FEZ1: variants seen among roughly 807,000 people sequenced by gnomAD.
FEZ1 encodes fasciculation and elongation protein zeta 1.
In FEZ1, 20 loss-of-function variants were observed where a neutral mutation model predicts 49.3. That is an observed-to-expected ratio of 0.41 (90% CI 0.29 to 0.59). FEZ1 has a LOEUF of 0.59. Among genes scored for constraint, FEZ1 ranks in the 20% least tolerant of loss-of-function variants. The probability of loss-of-function intolerance (pLI) is 0.36; values close to 1 mark genes in which losing one functional copy is unlikely to be tolerated. For synonymous variants in FEZ1, 170 were observed against 180.9 expected, an observed-to-expected ratio of 0.94 and a Z score of 0.48; for missense variants, 413 against 476.0, an observed-to-expected ratio of 0.87 and a Z score of 1.23.
chr11:125,471,514 CAA>C (rs756966058), intron 3 of FEZ1, among the ~76,000 whole-genome samples: 5 of 151,454 alleles, frequency 3.3e-5, no homozygotes, highest in African/African-American at 4.8e-5. Flanking sequence ...TCATATCAAA[CAA>C]AGTAGATTTT....
chr11:125,453,273 G>A (rs1956975771), intron 7 of FEZ1: 1 of 152,114 alleles, frequency 6.6e-6, no homozygotes. Context: ...TCACATTTTA[G>A]TCTTGGCTTT....
intron 4 of FEZ1, among the ~76,000 whole-genome samples, chr11:125,462,422 G>T (rs1160660623): frequency 6.6e-6 from 1 of 152,208 alleles, no homozygotes; most frequent in East Asian, 1.9e-4. Context: ...AAAATTTTGA[G>T]TGTTCTATGA....
At chr11:125,465,297 C>A (rs1419975399) in intron 3 of FEZ1, among the ~76,000 whole-genome samples, 1 of 152,086 alleles carries the variant, frequency 6.6e-6, no homozygotes, top group Non-Finnish European at 1.5e-5. Context: ...GGGTTTAACT[C>A]CCTGACTGTT....
At chr11:125,458,312 G>A (rs943241564) in intron 5 of FEZ1, among the ~76,000 whole-genome samples, 51 of 152,136 alleles carry the variant, frequency 3.4e-4, no homozygotes, top group African/African-American at 1.0e-3. Context: ...CTTCTGCAGC[G>A]TGGGCATTTG....
intron 4 of FEZ1, among the ~76,000 whole-genome samples, chr11:125,462,769 C>T (rs1957088407): frequency 1.3e-5 from 2 of 149,418 alleles, no homozygotes; most frequent in South Asian, 2.1e-4. Flanking sequence ...GAGGCCAAGG[C>T]GGGTGGACTG....
At chr11:125,488,419 G>A (rs910737822) in intron 2 of FEZ1, among the ~76,000 whole-genome samples, 21 of 152,262 alleles carry the variant, frequency 1.4e-4, no homozygotes, top group African/African-American at 4.1e-4. Context: ...GGTGACTCAC[G>A]CCTGTAATCC....
intron 5 of FEZ1, among the ~76,000 whole-genome samples, chr11:125,457,792 T>C (rs1206299516): frequency 1.3e-5 from 2 of 152,018 alleles, no homozygotes; most frequent in Non-Finnish European, 2.9e-5. Flanking sequence ...ATTATACTCT[T>C]TTAGTTATTT....
intron 2 of FEZ1, among the ~76,000 whole-genome samples, chr11:125,482,944 C>T (rs1477199491): frequency 7.4e-6 from 1 of 134,548 alleles, no homozygotes; most frequent in Non-Finnish European, 1.5e-5. Context: ...TGTCACTGCT[C>T]TCCAGCCTGG....
At chr11:125,457,242 T>G in intron 5 of FEZ1, among the ~76,000 whole-genome samples, 1 of 146,884 alleles carries the variant, frequency 6.8e-6, no homozygotes. Flanking sequence ...CTTTAAGCAT[T>G]TTCTGATTAA....
rs567784937 is a variant in FEZ1 at position 125,445,665 on chromosome 11, C to A, written c.*430G>T. On this transcript the variant is annotated 3_prime_UTR_variant, in exon 10 of 10. Coordinates refer to ENST00000278919, the MANE Select transcript of FEZ1 (RefSeq NM_005103.5). The surrounding 1 kb of genome is among the most constrained non-coding windows in gnomAD (Gnocchi z 4.4). ...GCACTGGCTGCCACAGGCCACAGGC[C>A]GGCGTGCAAAGAATGCTATACAGCC... The A allele has an allele frequency of 9.7e-6, 3 of 310,300 alleles. No individual in the cohort carries two copies. Among genetic ancestry groups the A allele is most frequent in the Non-Finnish European group, 1.9e-5 (3 of 158,734 alleles). The allele number at this position is 310,300 out of a possible 1,614,324, so 19.2% of individuals were successfully genotyped here.
chr11:125,493,508 G>GAAAGAAAGAAAGAAAGAA (rs1565307364), intron 1 of FEZ1, among the ~76,000 whole-genome samples: 3 of 65,968 alleles, frequency 4.5e-5, no homozygotes, highest in Admixed American at 3.6e-4. Context: ...GAAAGAAAGA[G>GAAAGAAAGAAAGAAAGAA]AGAAAGAAAG....
chr11:125,477,835 C>T (rs993158001), intron 3 of FEZ1, among the ~76,000 whole-genome samples: 3 of 146,666 alleles, frequency 2.0e-5, no homozygotes, highest in African/African-American at 7.7e-5. Context: ...CATGGCCCCA[C>T]TATAAAAGTG....
intron 7 of FEZ1, 118 bp from the exon 8 acceptor site, chr11:125,452,527 G>C: frequency 1.5e-6 from 1 of 668,772 alleles, no homozygotes; most frequent in Non-Finnish European, 2.7e-6. Context: ...AACATTCATG[G>C]TCACTGGTAC....
intron 3 of FEZ1, among the ~76,000 whole-genome samples, chr11:125,465,518 T>A (rs887200737): frequency 6.6e-6 from 1 of 152,182 alleles, no homozygotes; most frequent in Non-Finnish European, 1.5e-5. Flanking sequence ...GTCTGAATTG[T>A]CAGGCTTGGG....
intron 3 of FEZ1, among the ~76,000 whole-genome samples, chr11:125,465,931 C>T (rs942051106): frequency 2.6e-5 from 4 of 152,190 alleles, no homozygotes; most frequent in Admixed American, 1.3e-4. Flanking sequence ...GACTCCTTCC[C>T]TCCCCTCCTT....
intron 8 of FEZ1, among the ~76,000 whole-genome samples, chr11:125,450,141 C>T (rs1332707319): frequency 3.9e-5 from 6 of 151,926 alleles, no homozygotes; most frequent in Non-Finnish European, 8.8e-5. Context: ...GATTCTCCTG[C>T]CTCAGCCTCC....
intron 4 of FEZ1, 189 bp downstream of exon 4, chr11:125,463,295 G>T: frequency 2.3e-6 from 1 of 437,776 alleles, no homozygotes; most frequent in Non-Finnish European, 4.1e-6. Flanking sequence ...AACAGAGCAA[G>T]ACTCTGTCTC....
At chr11:125,471,487 A>G (rs977997324) in intron 3 of FEZ1, among the ~76,000 whole-genome samples, 3 of 151,840 alleles carry the variant, frequency 2.0e-5, no homozygotes, top group Non-Finnish European at 2.9e-5. Context: ...TGCATAAGAA[A>G]GCTTAAGTGG....
chr11:125,490,068 C>T (rs12279089), intron 1 of FEZ1, among the ~76,000 whole-genome samples: 1,838 of 152,172 alleles, frequency 0.012, 34 homozygotes, highest in African/African-American at 0.033. Flanking sequence ...ACTGAACCCA[C>T]CTCAAAGGGC....
Sources: allele counts gnomAD v4.1 joint callset (sites outside exome capture counted in the v4.1 genomes callset), GRCh38; gene constraint gnomAD v4.1.1; non-coding constraint Gnocchi (gnomAD v3.1); transcripts MANE v1.5; gene names NCBI Gene and HGNC (gene_info 2026-07-23, HGNC 2026-07-21).